Variants in XRCC3 observed in about 807,000 individuals in gnomAD.
XRCC3 encodes DNA repair protein XRCC3.
XRCC3 carries 34 observed loss-of-function variants against 29.2 expected under a neutral mutation model. The observed-to-expected ratio is 1.16, with a 90% confidence interval of 0.88 to 1.55. The LOEUF (loss-of-function observed/expected upper bound fraction) is 1.55. XRCC3 is among the 40% of genes most tolerant of loss of function. The probability of loss-of-function intolerance (pLI) is 0.00; values close to 1 mark genes in which losing one functional copy is unlikely to be tolerated. For synonymous variants in XRCC3, 223 were observed against 211.3 expected, an observed-to-expected ratio of 1.06 and a Z score of -0.48; for missense variants, 463 against 467.6, an observed-to-expected ratio of 0.99 and a Z score of 0.09.
chr14:103,706,395 G>A (rs1417022638), intron 6 of XRCC3: 1 of 456,114 alleles, frequency 2.2e-6, no homozygotes, highest in South Asian at 1.5e-5. Flanking sequence ...TGGAGTTTAA[G>A]ACAACGTGGG....
At position 103,701,221 on chromosome 14, in the gene XRCC3, T is replaced by C. The variant is rs376462874; in HGVS notation, c.562-1645A>G. On this transcript the variant is annotated intron_variant, in intron 7 of 9. Transcript: ENST00000555055. ...TGCAGTGACCCCGACCTGGCCCCGCTCCAGGATGGGACTGCCGAGTGTGGC... is the reference window on the plus strand; with the variant it reads ...TGCAGTGACCCCGACCTGGCCCCGCCCCAGGATGGGACTGCCGAGTGTGGC... The C allele has an allele frequency of 3.9e-6, 6 of 1,550,346 alleles. No homozygotes were observed. The East Asian group carries it at 1.5e-4, about 38-fold the overall frequency.
At chr14:103,710,776 C>T (rs1321869077) in intron 4 of XRCC3, 2 of 498,182 alleles carry the variant, frequency 4.0e-6, no homozygotes, top group African/African-American at 3.9e-5. Context: ...TATGTGGCTC[C>T]ATTTTACCTT....
At chr14:103,699,058 T>G in intron 9 of XRCC3, 41 bp from the exon 10 acceptor site, 1 of 1,564,290 alleles carries the variant, frequency 6.4e-7, no homozygotes, top group Non-Finnish European at 8.7e-7. Flanking sequence ...TCAGGCTTGG[T>G]GGCCCCGCCC....
intron 7 of XRCC3, chr14:103,701,490 GT>G: frequency 2.4e-6 from 1 of 412,816 alleles, no homozygotes; most frequent in Non-Finnish European, 4.3e-6. Context: ...CTCACGTTGT[GT>G]GCGATAACGT....
rs1340471119 is a variant in XRCC3, at chr14:103,707,187, C to T, written c.222G>A (p.Arg74=). 5 of 1,549,122 alleles carry T rather than the reference C, an allele frequency of 3.2e-6. No homozygotes were observed. Among genetic ancestry groups the T allele is most frequent in the Non-Finnish European group, 3.5e-6 (4 of 1,146,708 alleles). Residue 74 remains arginine (R), a synonymous_variant, in exon 6 of 10, where the codon CGG becomes CGA. Coordinates refer to ENST00000555055, the MANE Select transcript of XRCC3 (RefSeq NM_005432.4). ...TALQLHQQKE[R]FPTQHQRLSL... Reference sequence around the variant, plus strand: ...TCAGGCGCTGGTGCTGCGTGGGGAACCGCTCCTTCTGCTGGTGCAGCTGCA... The same window carrying T: ...TCAGGCGCTGGTGCTGCGTGGGGAATCGCTCCTTCTGCTGGTGCAGCTGCA...
intron 7 of XRCC3, 26 bp downstream of exon 7, chr14:103,703,147 T>C: frequency 1.3e-6 from 2 of 1,557,044 alleles, no homozygotes; most frequent in Non-Finnish European, 1.7e-6. Flanking sequence ...GCCTTGGGGG[T>C]GTCATGGGGC....
intron 7 of XRCC3, chr14:103,701,521 T>A (rs1048455699): frequency 1.7e-5 from 6 of 359,452 alleles, no homozygotes; most frequent in South Asian, 1.1e-4. Flanking sequence ...TACATTTTTT[T>A]AAATTAAAAG....
intron 6 of XRCC3, chr14:103,704,118 TAAAAG>T (rs960530114): frequency 2.6e-5 from 4 of 152,522 alleles, no homozygotes; most frequent in African/African-American, 7.2e-5. Context: ...GATCGAATCT[TAAAAG>T]GGAAGGCAGT....
Position 103,699,480 on chromosome 14 carries a change from G to A in XRCC3, c.658C>T (p.Arg220Cys), listed in dbSNP as rs545840795. 1.3e-5 allele frequency: 21 copies of A among 1,612,748 alleles called. No individual in the cohort carries two copies. In the African/African-American group the frequency reaches 1.5e-4, roughly 11 times the overall value. Reference protein sequence around the residue: ...VVIDSVAAPFRCEFDSQASAP... With the variant: ...VVIDSVAAPFCCEFDSQASAP... Reference sequence around the variant, plus strand: ...GAGGCCTGGCTGTCAAATTCACAGCGGAATGGGGCTGCCACCGAGTCGATG... The same window carrying A: ...GAGGCCTGGCTGTCAAATTCACAGCAGAATGGGGCTGCCACCGAGTCGATG... Residue 220 changes from arginine to cysteine, a missense_variant, in exon 8 of 10, where the codon CGC (arginine) becomes TGC (cysteine). Coordinates refer to ENST00000555055, the MANE Select transcript of XRCC3 (RefSeq NM_005432.4).
chr14:103,705,532 C>T (rs2083404999), intron 6 of XRCC3: 1 of 151,960 alleles, frequency 6.6e-6, no homozygotes, highest in Admixed American at 6.6e-5. Context: ...AAAATTCGGG[C>T]CTTTAGATTG....
chr14:103,707,300 T>C, intron 5 of XRCC3, 85 bp from the exon 6 acceptor site: 1 of 1,486,268 alleles, frequency 6.7e-7, no homozygotes, highest in Non-Finnish European at 9.1e-7. Flanking sequence ...TCAGCCTGCC[T>C]GTGCCAGGTG....
intron 6 of XRCC3, chr14:103,706,715 G>A (rs1029640316): frequency 2.7e-5 from 13 of 487,440 alleles, no homozygotes; most frequent in African/African-American, 3.9e-5. Flanking sequence ...AACGTGGGCC[G>A]GCATCGCTGT....
At chr14:103,710,777 A>C in intron 4 of XRCC3, 1 of 499,168 alleles carries the variant, frequency 2.0e-6, no homozygotes, top group Non-Finnish European at 3.6e-6. Flanking sequence ...ATGTGGCTCC[A>C]TTTTACCTTT....
At chr14:103,706,777 G>C (rs1358450499) in intron 6 of XRCC3, 14 of 604,684 alleles carry the variant, frequency 2.3e-5, no homozygotes, top group Non-Finnish European at 2.9e-6. Flanking sequence ...CGGCTGCCTG[G>C]TGGTGGGGTT....
rs191281642 is a variant in XRCC3 at position 103,699,262 on chromosome 14, G to A, written c.775-83C>T. The A allele has an allele frequency of 2.3e-5, 36 of 1,540,352 alleles. 1 individual carries two copies. Among genetic ancestry groups the A allele is most frequent in the Middle Eastern group, 1.7e-4 (1 of 5,910 alleles). ...CACAGGCTGCTACCCGCAGGAGCCG[G>A]AGGCCACCTCACTGCCACCCGCCCC... On this transcript the variant is annotated intron_variant, in intron 8 of 9. Coordinates refer to ENST00000555055, the MANE Select transcript of XRCC3 (RefSeq NM_005432.4).
Position 103,698,887 on chromosome 14 carries a change from GC to G in XRCC3, c.951del (p.Leu318SerfsTer51). On this transcript the variant is annotated frameshift_variant, in exon 10 of 10. Coordinates refer to ENST00000555055, the MANE Select transcript of XRCC3 (RefSeq NM_005432.4). LOFTEE classifies it low-confidence loss of function (END_TRUNC). Reference protein sequence around the residue: ...ALGCPARTLRVLSAPHLPPSS... With the variant: ...ALGCPARTLRXLSAPHLPPSS... Reference sequence around the variant, plus strand: ...GAGGGGGGCAGGTGGGGGGCAGAGAGCACCCGCAGGGTCCGGGCTGGGCAGC... The same window carrying G: ...GAGGGGGGCAGGTGGGGGGCAGAGAGACCCGCAGGGTCCGGGCTGGGCAGC... 1 of 1,604,676 alleles carries G rather than the reference GC, an allele frequency of 6.2e-7. No individual in the cohort carries two copies. The highest frequency in any genetic ancestry group is 8.5e-7 in the Non-Finnish European group (1 of 1,176,136).
At chr14:103,703,810 T>C (rs931872760) in intron 6 of XRCC3, 2 of 209,876 alleles carry the variant, frequency 9.5e-6, no homozygotes, top group African/African-American at 4.6e-5. Flanking sequence ...CTGGGCTCCA[T>C]GGTGAAATTC....
At chr14:103,699,869 G>C (rs575986114) in intron 7 of XRCC3, 6 of 465,128 alleles carry the variant, frequency 1.3e-5, no homozygotes, top group African/African-American at 9.9e-5. Context: ...CTGTAGAGGT[G>C]TCCTTTGCGC....
In XRCC3 at chr14:103,707,026, C is replaced by T. The variant is rs754599485; in HGVS notation, c.383G>A (p.Arg128Gln). ...ACCAGCCTCCAGGCCTCCGTGCTGC[C>T]GCGGGAACTGCACAGCCAGGCAGAG... Reference protein sequence around the residue: ...LQLCLAVQFPRQHGGLEAGAV... With the variant: ...LQLCLAVQFPQQHGGLEAGAV... Residue 128 changes from arginine to glutamine, a missense_variant, in exon 6 of 10, where the codon CGG becomes CAG. Arg to Gln is a conservative substitution (Grantham distance 43, BLOSUM62 1). Coordinates refer to ENST00000555055, the MANE Select transcript of XRCC3 (RefSeq NM_005432.4). The T allele has an allele frequency of 1.5e-5, 23 of 1,563,550 alleles. No homozygotes were observed. The highest frequency in any genetic ancestry group is 1.8e-5 in the Admixed American group (1 of 54,276).
Sources: allele counts gnomAD v4.1 joint callset, GRCh38; gene constraint gnomAD v4.1.1; transcripts MANE v1.5; gene names NCBI Gene and HGNC (gene_info 2026-07-23, HGNC 2026-07-21).